The following SNAPC3 variants were observed in gnomAD, a reference collection of about 807,000 sequenced individuals.
The protein encoded by SNAPC3 is small nuclear RNA activating complex polypeptide 3, also known as snRNA-activating protein complex subunit 3.
Under a neutral mutation model 47.7 loss-of-function variants are expected in SNAPC3, and 56 were observed. The ratio of observed to expected loss-of-function variants is 1.18; its 90% CI spans 0.95 to 1.47. SNAPC3 has a LOEUF of 1.47. Ranked by LOEUF, SNAPC3 falls within the 40% of genes most tolerant of loss-of-function variation. SNAPC3 has a pLI of 0.00. For synonymous variants in SNAPC3, 235 were observed against 189.9 expected (o/e 1.24, Z -1.95); for missense variants, 665 against 511.3 (o/e 1.30, Z -2.90).
At chr9:15,440,872 C>G (rs570621871) in intron 3 of SNAPC3, among the ~76,000 whole-genome samples, 2 of 151,000 alleles carry the variant, frequency 1.3e-5, no homozygotes, top group African/African-American at 4.9e-5. Flanking sequence ...TGGCATGAAC[C>G]CGGGAGGCGG....
At chr9:15,447,028 C>A (rs2033983636) in intron 4 of SNAPC3, 67 bp from the exon 5 acceptor site, 4 of 1,355,734 alleles carry the variant, frequency 3.0e-6, no homozygotes, top group South Asian at 1.2e-5. Context: ...TTGATCTAGT[C>A]ATGACAGGAT....
At chr9:15,425,786 T>G (rs546348505) in intron 2 of SNAPC3, among the ~76,000 whole-genome samples, 1 of 152,310 alleles carries the variant, frequency 6.6e-6, no homozygotes, top group Non-Finnish European at 1.5e-5. Context: ...CCTAAAACCT[T>G]TTGATGTCCC....
chr9:15,444,540 A>G, intron 3 of SNAPC3, 62 bp from the exon 4 acceptor site: 1 of 1,046,708 alleles, frequency 9.6e-7, no homozygotes, highest in African/African-American at 1.6e-5. Flanking sequence ...TAGCCATTGT[A>G]CCACACTGCA....
intron 3 of SNAPC3, among the ~76,000 whole-genome samples, chr9:15,435,013 C>A (rs940488216): frequency 6.6e-6 from 1 of 152,018 alleles, no homozygotes; most frequent in Admixed American, 6.6e-5. Flanking sequence ...GCAATGATAC[C>A]GTATTACATT....
At chr9:15,437,229 G>T in intron 3 of SNAPC3, among the ~76,000 whole-genome samples, 1 of 151,028 alleles carries the variant, frequency 6.6e-6, no homozygotes, top group Admixed American at 6.6e-5. Context: ...AAGTGAAATT[G>T]TTTTCTTAAT....
At chr9:15,454,198 C>G (rs918609836) in intron 7 of SNAPC3, among the ~76,000 whole-genome samples, 1 of 151,528 alleles carries the variant, frequency 6.6e-6, no homozygotes, top group Non-Finnish European at 1.5e-5. Context: ...CCGCTGCATT[C>G]CAGCCTGGGT....
intron 2 of SNAPC3, among the ~76,000 whole-genome samples, chr9:15,427,053 TC>T (rs1346204192): frequency 1.3e-5 from 2 of 152,348 alleles, no homozygotes; most frequent in African/African-American, 4.8e-5. Context: ...GTACATCATT[TC>T]TTTATTATGA....
Position 15,442,225 on chromosome 9 carries a change from C to T in SNAPC3, c.478-2377C>T, listed in dbSNP as rs1321123375. Among the ~76,000 whole-genome samples the T allele has an allele frequency of 1.1e-4, 16 of 146,010 alleles. 2 individuals carry two copies. Among genetic ancestry groups the T allele is most frequent in the African/African-American group, 2.0e-4 (8 of 39,394 alleles). On this transcript the variant is annotated intron_variant, in intron 3 of 8. Transcript: ENST00000380821. ...GGCTGCCCCCCACCTCCCTCCGGGA[C>T]GGGGCGGCTGGCCGGGCGGGGGCTG...
intron 3 of SNAPC3, among the ~76,000 whole-genome samples, chr9:15,441,836 C>A (rs1006578090): frequency 6.6e-6 from 1 of 152,230 alleles, no homozygotes; most frequent in Non-Finnish European, 1.5e-5. Context: ...TCTATCTTTT[C>A]CCCACATTTC....
intron 5 of SNAPC3, 133 bp downstream of exon 5, chr9:15,447,377 A>G: frequency 1.4e-6 from 1 of 739,356 alleles, no homozygotes. Flanking sequence ...ACACTATCTC[A>G]TTCCTTCCCT....
chr9:15,440,773 C>A (rs1171733749), intron 3 of SNAPC3, among the ~76,000 whole-genome samples: 2 of 152,114 alleles, frequency 1.3e-5, no homozygotes, highest in East Asian at 1.9e-4. Context: ...CACAGTGAAA[C>A]CCCGTCTCTA....
chr9:15,454,188 C>G (rs993345744), intron 7 of SNAPC3, among the ~76,000 whole-genome samples: 4 of 151,720 alleles, frequency 2.6e-5, no homozygotes, highest in East Asian at 3.9e-4. Flanking sequence ...TATGATCATG[C>G]CGCTGCATTC....
chr9:15,455,568 AG>A (rs1488747086), intron 7 of SNAPC3, among the ~76,000 whole-genome samples: 2 of 152,106 alleles, frequency 1.3e-5, no homozygotes. Flanking sequence ...CTGTATCAAA[AG>A]AAAAAAAAAA....
intron 2 of SNAPC3, chr9:15,431,881 TG>T (rs376142910): frequency 1.4e-5 from 2 of 139,972 alleles, no homozygotes; most frequent in Non-Finnish European, 3.0e-5. Flanking sequence ...TATTAAAGCC[TG>T]TCTTTTTTTT....
intron 3 of SNAPC3, among the ~76,000 whole-genome samples, chr9:15,444,181 G>T (rs903943736): frequency 6.6e-6 from 1 of 152,190 alleles, no homozygotes; most frequent in Non-Finnish European, 1.5e-5. Flanking sequence ...CCGTATTTGC[G>T]TCCTAACTCT....
intron 2 of SNAPC3, among the ~76,000 whole-genome samples, chr9:15,427,235 C>T (rs983951270): frequency 4.6e-5 from 7 of 152,060 alleles, no homozygotes; most frequent in Non-Finnish European, 8.8e-5. Context: ...TTTTTTTTGA[C>T]TACTTAGTTG....
chr9:15,444,808 C>T (rs1391978030), intron 4 of SNAPC3, 102 bp downstream of exon 4: 1 of 643,262 alleles, frequency 1.6e-6, no homozygotes, highest in Non-Finnish European at 2.6e-6. Context: ...TAAAAATAAA[C>T]ACTCTGGGAG....
At chr9:15,463,700 TGA>T (rs965211760), downstream of SNAPC3, 1 of 150,374 alleles carries the variant, frequency 6.7e-6, no homozygotes. Flanking sequence ...CACCATTTCT[TGA>T]GAGTTATGAT....
chr9:15,437,724 C>T (rs1316226257), intron 3 of SNAPC3, among the ~76,000 whole-genome samples: 1 of 148,202 alleles, frequency 6.7e-6, no homozygotes, highest in Admixed American at 6.8e-5. Context: ...TAAATAAATT[C>T]CACTTGGTTG....
Sources: gnomAD v4.1 joint callset for allele counts (sites outside exome capture counted in the v4.1 genomes callset) on GRCh38, gnomAD v4.1.1 for gene constraint, MANE v1.5 for transcripts, NCBI Gene and HGNC (gene_info 2026-07-23, HGNC 2026-07-21) for gene names.